The following KIF5C variants were observed in gnomAD, a reference collection of about 807,000 sequenced individuals.
KIF5C encodes kinesin family member 5C.
Under a neutral mutation model 125.2 loss-of-function variants are expected in KIF5C, and 18 were observed. The ratio of observed to expected loss-of-function variants is 0.14; its 90% CI spans 0.10 to 0.21. The LOEUF (loss-of-function observed/expected upper bound fraction) is 0.21, where lower values mean the gene tolerates loss of function less well. Ranked by LOEUF, KIF5C falls within the 10% of genes least tolerant of loss-of-function variation. The pLI is 1.00. For missense variants in KIF5C, 780 were observed against 1,183.8 expected, an observed-to-expected ratio of 0.66 and a Z score of 5.01; for synonymous variants, 405 against 434.0, an observed-to-expected ratio of 0.93 and a Z score of 0.83.
At chr2:148,956,192 C>T (rs1267683487) in intron 10 of KIF5C, among the ~76,000 whole-genome samples, 2 of 152,156 alleles carry the variant, frequency 1.3e-5, no homozygotes, top group African/African-American at 4.8e-5. Flanking sequence ...GGGTGCTTAA[C>T]CTCGGTGGTG....
intron 1 of KIF5C, chr2:148,888,909 T>G (rs1411727624): frequency 6.6e-6 from 1 of 152,170 alleles, no homozygotes; most frequent in Non-Finnish European, 1.5e-5. Flanking sequence ...TACTTTTCAG[T>G]GATTGCTTAA....
chr2:149,009,757 G>T (rs914114391), intron 23 of KIF5C, among the ~76,000 whole-genome samples: 2 of 152,148 alleles, frequency 1.3e-5, no homozygotes, highest in African/African-American at 4.8e-5. Context: ...CTTTCAAACC[G>T]ACTTTAAGTG....
intron 21 of KIF5C, among the ~76,000 whole-genome samples, chr2:149,002,678 C>G (rs2105189353): frequency 6.6e-6 from 1 of 152,158 alleles, no homozygotes. Context: ...TACACTTACA[C>G]AGATGCTGTC....
At chr2:148,980,521 T>C (rs1681201489) in intron 13 of KIF5C, among the ~76,000 whole-genome samples, 1 of 152,020 alleles carries the variant, frequency 6.6e-6, no homozygotes, top group Admixed American at 6.6e-5. Flanking sequence ...ATCTTCATGA[T>C]GGATGTTAAA....
chr2:148,969,857 A>C (rs1680853900), intron 11 of KIF5C, among the ~76,000 whole-genome samples: 1 of 152,090 alleles, frequency 6.6e-6, no homozygotes, highest in African/African-American at 2.4e-5. Flanking sequence ...CGTGTTTGTG[A>C]GCTGGACAGT....
intron 1 of KIF5C, among the ~76,000 whole-genome samples, chr2:148,913,701 G>A (rs1681432582): frequency 6.6e-6 from 1 of 152,168 alleles, no homozygotes; most frequent in Non-Finnish European, 1.5e-5. Context: ...TTGTCGAGCG[G>A]CAGTTTGACC....
intron 25 of KIF5C, 58 bp downstream of exon 25, chr2:149,011,741 C>T (rs1682208490): frequency 1.9e-6 from 3 of 1,606,172 alleles, no homozygotes; most frequent in African/African-American, 2.7e-5. Flanking sequence ...CTTGCCTTTC[C>T]AAAGCCCCTG....
At chr2:148,995,517 A>G (rs964362375) in intron 17 of KIF5C, among the ~76,000 whole-genome samples, 4 of 152,260 alleles carry the variant, frequency 2.6e-5, no homozygotes, top group Non-Finnish European at 4.4e-5. Flanking sequence ...GAACAGGATT[A>G]AGAATGTATG....
At chr2:148,888,981 T>G (rs933938327) in intron 1 of KIF5C, among the ~76,000 whole-genome samples, 1 of 152,208 alleles carries the variant, frequency 6.6e-6, no homozygotes, top group African/African-American at 2.4e-5. Flanking sequence ...CATTGGGATC[T>G]CCACTTTCCC....
chr2:148,963,424 G>C (rs1431267736), intron 11 of KIF5C, among the ~76,000 whole-genome samples: 1 of 152,188 alleles, frequency 6.6e-6, no homozygotes, highest in Admixed American at 6.5e-5. Context: ...GTGTCAATGA[G>C]CTATTGTTTA....
At chr2:148,971,286 G>GTCTATCTA (rs752649709) in intron 11 of KIF5C, among the ~76,000 whole-genome samples, 200 of 134,588 alleles carry the variant, frequency 1.5e-3, no homozygotes, top group African/African-American at 3.0e-3. Flanking sequence ...CTGTCTGTCT[G>GTCTATCTA]TCTGTCTATC....
chr2:148,961,837 G>A (rs1031598171), intron 10 of KIF5C, 134 bp from the exon 11 acceptor site: 4 of 1,289,550 alleles, frequency 3.1e-6, no homozygotes, highest in Admixed American at 2.5e-5. Flanking sequence ...TAGGAGGATG[G>A]TTGGTGAAAG....
chr2:148,983,866 G>A, intron 15 of KIF5C, 100 bp downstream of exon 15: 1 of 1,321,414 alleles, frequency 7.6e-7, no homozygotes, highest in Non-Finnish European at 9.8e-7. Context: ...ACTGTGCTTT[G>A]CATCTGCCAT....
chr2:148,913,607 T>TA (rs1681428263), intron 1 of KIF5C, among the ~76,000 whole-genome samples: 1 of 152,200 alleles, frequency 6.6e-6, no homozygotes, highest in Non-Finnish European at 1.5e-5. Context: ...ATTTTTTAAC[T>TA]AAAGGGAAGA....
At chr2:148,965,288 G>A (rs1341080350) in intron 11 of KIF5C, among the ~76,000 whole-genome samples, 2 of 152,182 alleles carry the variant, frequency 1.3e-5, no homozygotes, top group East Asian at 1.9e-4. Context: ...GGCATAGGTA[G>A]GTGTGAGGGC....
At chr2:148,950,212 T>C in intron 9 of KIF5C, 102 bp from the exon 10 acceptor site, 1 of 1,503,902 alleles carries the variant, frequency 6.6e-7, no homozygotes, top group Non-Finnish European at 8.9e-7. Context: ...ATTCTTGTTT[T>C]ACTCGGTTTC....
chr2:148,923,869 C>G (rs771940372), intron 2 of KIF5C, among the ~76,000 whole-genome samples: 1 of 152,116 alleles, frequency 6.6e-6, no homozygotes, highest in Non-Finnish European at 1.5e-5. Flanking sequence ...TTTCAATGTT[C>G]GGATTTCTCT....
intron 11 of KIF5C, among the ~76,000 whole-genome samples, chr2:148,971,894 C>A (rs1680922621): frequency 6.6e-6 from 1 of 151,994 alleles, no homozygotes; most frequent in South Asian, 2.1e-4. Context: ...GTTAATGAAG[C>A]CACAGATTGA....
intron 16 of KIF5C, among the ~76,000 whole-genome samples, chr2:148,993,787 T>C (rs575001194): frequency 1.3e-5 from 2 of 152,206 alleles, no homozygotes; most frequent in Non-Finnish European, 2.9e-5. Context: ...CGAATATTTA[T>C]TAAGCACTTA....
Sources: allele counts gnomAD v4.1 joint callset (sites outside exome capture counted in the v4.1 genomes callset), GRCh38; gene constraint gnomAD v4.1.1; transcripts MANE v1.5; gene names NCBI Gene and HGNC (gene_info 2026-07-23, HGNC 2026-07-21).